Variants in PATJ observed in about 807,000 individuals in gnomAD.
PATJ encodes the protein PATJ crumbs cell polarity complex component.
Under a neutral mutation model 224.9 loss-of-function variants are expected in PATJ, and 190 were observed. The ratio of observed to expected loss-of-function variants is 0.84; its 90% CI spans 0.75 to 0.95. The LOEUF (loss-of-function observed/expected upper bound fraction) is 0.95, where lower values mean the gene tolerates loss of function less well. Ranked by LOEUF, PATJ falls within the 40% of genes least tolerant of loss-of-function variation. The probability of loss-of-function intolerance (pLI) is 0.00; values close to 1 mark genes in which losing one functional copy is unlikely to be tolerated. For missense variants in PATJ, 2,121 were observed against 2,270.3 expected, an observed-to-expected ratio of 0.93 and a Z score of 1.34; for synonymous variants, 769 against 820.3, an observed-to-expected ratio of 0.94 and a Z score of 1.07.
intron 20 of PATJ, among the ~76,000 whole-genome samples, chr1:61,870,434 G>A (rs546487851): frequency 4.2e-4 from 64 of 152,264 alleles, no homozygotes; most frequent in African/African-American, 1.4e-3. Context: ...AGAGCAGGGC[G>A]AGGGCATGGG....
chr1:61,764,121 G>C (rs535747188), intron 3 of PATJ, among the ~76,000 whole-genome samples: 1 of 152,144 alleles, frequency 6.6e-6, no homozygotes, highest in South Asian at 2.1e-4. Context: ...GCCTCCCAAA[G>C]TGCTGGGATT....
chr1:62,029,748 T>C (rs569326901), intron 29 of PATJ, among the ~76,000 whole-genome samples: 1 of 152,322 alleles, frequency 6.6e-6, no homozygotes, highest in East Asian at 1.9e-4. Flanking sequence ...TAATATTTAA[T>C]ACTAGCTAGG....
At chr1:61,932,075 C>G (rs887638594) in intron 27 of PATJ, among the ~76,000 whole-genome samples, 3 of 152,052 alleles carry the variant, frequency 2.0e-5, no homozygotes, top group Non-Finnish European at 4.4e-5. Context: ...ATGAAAAACA[C>G]TAATTTAGAT....
chr1:61,899,494 T>C, intron 22 of PATJ, 89 bp from the exon 23 acceptor site: 1 of 799,860 alleles, frequency 1.3e-6, no homozygotes, highest in Non-Finnish European at 1.9e-6. Flanking sequence ...TAACTACCTA[T>C]AGATTTTACA....
chr1:61,821,072 G>A (rs538192672), intron 14 of PATJ, among the ~76,000 whole-genome samples: 8 of 149,668 alleles, frequency 5.3e-5, no homozygotes, highest in African/African-American at 1.2e-4. Flanking sequence ...GCTGAGTCTC[G>A]CTCTGTCGCC....
intron 29 of PATJ, among the ~76,000 whole-genome samples, chr1:62,029,086 C>A (rs571113886): frequency 2.0e-4 from 30 of 152,238 alleles, no homozygotes; most frequent in African/African-American, 7.0e-4. Flanking sequence ...GTTTTGATTA[C>A]CGTAGCTTTG....
At chr1:62,079,703 G>T in intron 32 of PATJ, 136 bp downstream of exon 32, 1 of 658,468 alleles carries the variant, frequency 1.5e-6, no homozygotes, top group South Asian at 1.9e-5. Context: ...TTAGCTTTGG[G>T]GCTTGGATAG....
intron 15 of PATJ, 137 bp downstream of exon 15, chr1:61,823,216 C>T: frequency 5.1e-6 from 4 of 782,386 alleles, no homozygotes; most frequent in Non-Finnish European, 8.2e-6. Context: ...AAAAACCGAA[C>T]AGCTTACTGG....
At chr1:61,982,577 C>A in intron 27 of PATJ, among the ~76,000 whole-genome samples, 1 of 151,948 alleles carries the variant, frequency 6.6e-6, no homozygotes, top group East Asian at 1.9e-4. Context: ...GGTATTGTGA[C>A]CATGTGAGGA....
rs1406036077 is a variant in PATJ, at chr1:61,811,934, G to A, written c.1683+3404G>A. Among the ~76,000 whole-genome samples the A allele has an allele frequency of 2.0e-5, 3 of 151,270 alleles. No homozygotes were observed. The South Asian group carries it at 6.3e-4, about 32-fold the overall frequency. ...AAATTAGCCGGGCGTGGTGGCGGGC[G>A]CCTGTAGTCCCAGCTACTCGGGAGG... is the stretch of plus-strand genomic sequence containing the variant. On this transcript the variant is annotated intron_variant, in intron 14 of 43. Transcript: ENST00000642238.
At chr1:61,910,485 C>T (rs1435078263) in intron 25 of PATJ, among the ~76,000 whole-genome samples, 1 of 148,598 alleles carries the variant, frequency 6.7e-6, no homozygotes, top group Non-Finnish European at 1.5e-5. Flanking sequence ...TGTTAATTAC[C>T]ATGTCCATGA....
At chr1:61,979,798 T>C (rs1644352989) in intron 27 of PATJ, among the ~76,000 whole-genome samples, 1 of 151,896 alleles carries the variant, frequency 6.6e-6, no homozygotes, top group Non-Finnish European at 1.5e-5. Context: ...TAAATAGCCA[T>C]GGAGTGGTAA....
chr1:62,011,379 T>A (rs1646438393), intron 28 of PATJ, among the ~76,000 whole-genome samples: 2 of 152,198 alleles, frequency 1.3e-5, no homozygotes, highest in Admixed American at 1.3e-4. Flanking sequence ...TTGGCCTAAC[T>A]TTAATATTGT....
chr1:62,111,606 C>A (rs1663818270), intron 34 of PATJ, among the ~76,000 whole-genome samples: 2 of 151,992 alleles, frequency 1.3e-5, no homozygotes, highest in South Asian at 2.1e-4. Flanking sequence ...TTTCATATAG[C>A]CAGGAAGTTG....
chr1:62,021,713 A>G (rs1647094477), intron 29 of PATJ, among the ~76,000 whole-genome samples: 1 of 152,182 alleles, frequency 6.6e-6, no homozygotes, highest in Non-Finnish European at 1.5e-5. Flanking sequence ...AAAAACATAT[A>G]GGAGTGATTC....
At chr1:61,949,267 G>C (rs1269765576) in intron 27 of PATJ, among the ~76,000 whole-genome samples, 2 of 151,888 alleles carry the variant, frequency 1.3e-5, no homozygotes, top group Non-Finnish European at 1.5e-5. Flanking sequence ...CATACTGTAT[G>C]GTTCCATTTT....
intron 4 of PATJ, among the ~76,000 whole-genome samples, chr1:61,768,003 T>G (rs2148336424): frequency 6.6e-6 from 1 of 152,166 alleles, no homozygotes; most frequent in South Asian, 2.1e-4. Context: ...TAGTAATTAT[T>G]TTTATGTGGT....
chr1:62,042,886 G>A (rs531071921), intron 30 of PATJ, among the ~76,000 whole-genome samples: 70 of 152,204 alleles, frequency 4.6e-4, no homozygotes, highest in African/African-American at 1.6e-3. Context: ...ACCTGAAGCA[G>A]TCCTCTCACC....
intron 39 of PATJ, among the ~76,000 whole-genome samples, chr1:62,126,734 A>G (rs1215912649): frequency 1.3e-5 from 2 of 152,226 alleles, no homozygotes; most frequent in African/African-American, 4.8e-5. Context: ...CACCCAGAAG[A>G]GCATAGTATG....
Sources: gnomAD v4.1 joint callset for allele counts (sites outside exome capture counted in the v4.1 genomes callset) on GRCh38, gnomAD v4.1.1 for gene constraint, MANE v1.5 for transcripts, NCBI Gene and HGNC (gene_info 2026-07-23, HGNC 2026-07-21) for gene names.